Variants in ST3GAL1 observed in about 807,000 individuals in gnomAD.
ST3GAL1 encodes ST3 beta-galactoside alpha-2,3-sialyltransferase 1.
Under a neutral mutation model 34.1 loss-of-function variants are expected in ST3GAL1, and 16 were observed. The observed-to-expected ratio is 0.47, with a 90% CI of 0.32 to 0.71. The LOEUF (loss-of-function observed/expected upper bound fraction) is 0.71, where lower values mean the gene tolerates loss of function less well. Ranked by LOEUF, ST3GAL1 falls within the 30% of genes least tolerant of loss-of-function variation. The pLI, the probability that ST3GAL1 is intolerant of heterozygous loss-of-function variation, is 0.04. For missense variants in ST3GAL1, 353 were observed against 447.4 expected (o/e 0.79, Z 1.90); for synonymous variants, 191 against 184.7 (o/e 1.03, Z -0.28).
intron 3 of ST3GAL1, among the ~76,000 whole-genome samples, chr8:133,495,933 G>T (rs572685935): frequency 6.6e-6 from 1 of 152,330 alleles, no homozygotes; most frequent in African/African-American, 2.4e-5. Context: ...GAGGGCACAC[G>T]CTGTGTCTTA....
intron 2 of ST3GAL1, among the ~76,000 whole-genome samples, chr8:133,524,116 T>G (rs1364983325): frequency 6.6e-6 from 1 of 152,226 alleles, no homozygotes; most frequent in Non-Finnish European, 1.5e-5. Context: ...ACACTCTCTC[T>G]GCTCAATTGC....
rs1400199528 is a variant in ST3GAL1 at position 133,508,354 on chromosome 8, C to A, written c.-428-9165G>T. On this transcript the variant is annotated intron_variant, in intron 2 of 9. Transcript: ENST00000522652. This position sits in a 1 kb window ranked among gnomAD's most constrained non-coding sequence, Gnocchi z 4.1. ...CCAAATTTTCAGGTTTGTGGGACAG[C>A]CTCATGGTACAGTTTGTGCTCTGGG... Among the ~76,000 whole-genome samples the A allele has an allele frequency of 6.6e-6, 1 of 152,110 alleles. No homozygotes were observed.
rs1586589858 is a variant in ST3GAL1 at position 133,469,611 on chromosome 8, G to A, written c.307-3521C>T. ...ACCTGGCAGAAGTAAAATGGTAGTT[G>A]TACAATGCAATGAAAACAAAACTAC... On this transcript the variant is annotated intron_variant, in intron 5 of 9. Coordinates refer to ENST00000522652, the MANE Select transcript of ST3GAL1 (RefSeq NM_173344.3). The surrounding 1 kb of genome is among the most constrained non-coding windows in gnomAD (Gnocchi z 4.3). Among the ~76,000 whole-genome samples, 1 of 152,226 alleles carries A rather than the reference G, an allele frequency of 6.6e-6. No homozygotes were observed. Among genetic ancestry groups the A allele is most frequent in the Non-Finnish European group, 1.5e-5 (1 of 68,048 alleles).
chr8:133,548,674 G>C lies in ST3GAL1; in HGVS notation c.-581-2748C>G, dbSNP rs555755371. Among the ~76,000 whole-genome samples the C allele has an allele frequency of 1.3e-4, 20 of 152,264 alleles. No homozygotes were observed. In the South Asian group the frequency reaches 4.1e-3, roughly 32 times the overall value. ...GAAGCTGGATTAGGGCCTTACCTGG[G>C]AGCACCCTGGGAGCACACATTCATG... On this transcript the variant is annotated intron_variant, in intron 1 of 9. Coordinates refer to ENST00000522652, the MANE Select transcript of ST3GAL1 (RefSeq NM_173344.3).
chr8:133,506,629 A>G (rs1487595279), intron 2 of ST3GAL1, among the ~76,000 whole-genome samples: 1 of 151,948 alleles, frequency 6.6e-6, no homozygotes, highest in Non-Finnish European at 1.5e-5. Flanking sequence ...TACTTAAAAT[A>G]CAAAAATTAG....
intron 1 of ST3GAL1, among the ~76,000 whole-genome samples, chr8:133,552,582 C>G (rs1479338808): frequency 6.6e-6 from 1 of 152,158 alleles, no homozygotes; most frequent in East Asian, 1.9e-4. Context: ...TGGCATCTCC[C>G]TCTGTGGAGA....
chr8:133,466,215 C>T lies in ST3GAL1; in HGVS notation c.307-125G>A, dbSNP rs1586586532. ...CTGTTCACCCTTCTCTCTGCTGGGCCCCCGGAGATGGAGGCGGCTCACACA... is the reference window on the plus strand; with the variant it reads ...CTGTTCACCCTTCTCTCTGCTGGGCTCCCGGAGATGGAGGCGGCTCACACA... On this transcript the variant is annotated intron_variant, in intron 5 of 9. Coordinates refer to ENST00000522652, the MANE Select transcript of ST3GAL1 (RefSeq NM_173344.3). The surrounding 1 kb of genome is among the most constrained non-coding windows in gnomAD (Gnocchi z 4.4). 7.3e-6 allele frequency: 7 copies of T among 963,076 alleles called. No individual in the cohort carries two copies. The East Asian group carries it at 1.6e-4, about 22-fold the overall frequency. 59.7% of individuals were successfully genotyped at this position (963,076 alleles called of 1,614,324 possible).
rs919806489 is a variant in ST3GAL1 at position 133,525,208 on chromosome 8, C to A, written c.-429+20566G>T. On this transcript the variant is annotated intron_variant, in intron 2 of 9. Transcript: ENST00000522652. ...AGCTCGTTTCCACAGGCAGGTCGTC[C>A]CAGTGAATGTCAAGCTTTCAGCAGA... Among the ~76,000 whole-genome samples the A allele has an allele frequency of 8.5e-5, 13 of 152,256 alleles. No individual in the cohort carries two copies. In the East Asian group the frequency reaches 2.5e-3, roughly 29 times the overall value.
At chr8:133,463,308 GC>G in intron 8 of ST3GAL1, 105 bp downstream of exon 8, 1 of 1,283,878 alleles carries the variant, frequency 7.8e-7, no homozygotes, top group Non-Finnish European at 1.1e-6. Context: ...ACCTCCAGCG[GC>G]CTGGGGATCT....
intron 2 of ST3GAL1, among the ~76,000 whole-genome samples, chr8:133,526,558 G>A (rs966368143): frequency 6.6e-6 from 1 of 152,138 alleles, no homozygotes; most frequent in Non-Finnish European, 1.5e-5. Flanking sequence ...GTGGGTTCCT[G>A]AGATACAATT....
intron 2 of ST3GAL1, among the ~76,000 whole-genome samples, chr8:133,541,112 T>TAGAGAGAG (rs1438213053): frequency 0.01 from 424 of 40,678 alleles, 39 homozygotes; most frequent in South Asian, 0.037. Flanking sequence ...TATATATATA[T>TAGAGAGAG]ATATATATAG....
chr8:133,551,874 G>A (rs1166934178), intron 1 of ST3GAL1, among the ~76,000 whole-genome samples: 1 of 152,178 alleles, frequency 6.6e-6, no homozygotes, highest in East Asian at 1.9e-4. Context: ...ATGGTCCTTG[G>A]ATGTGTATAC....
intron 1 of ST3GAL1, among the ~76,000 whole-genome samples, chr8:133,561,282 A>G (rs1235637937): frequency 6.6e-6 from 1 of 151,886 alleles, no homozygotes; most frequent in East Asian, 1.9e-4. Flanking sequence ...CAAGAAAAGG[A>G]TTTACATGCA....
At chr8:133,538,496 CA>C (rs1303311637) in intron 2 of ST3GAL1, among the ~76,000 whole-genome samples, 3 of 152,162 alleles carry the variant, frequency 2.0e-5, no homozygotes, top group African/African-American at 7.2e-5. Flanking sequence ...GCCTGGGCGA[CA>C]GAGCGAGACT....
chr8:133,562,444 G>A (rs939985410), intron 1 of ST3GAL1, among the ~76,000 whole-genome samples: 22 of 152,092 alleles, frequency 1.4e-4, no homozygotes, highest in African/African-American at 2.9e-4. Flanking sequence ...TCTTGATCTC[G>A]TGATCTGGCC....
In ST3GAL1 at chr8:133,467,027, G is replaced by A. The variant is rs772583449; in HGVS notation, c.307-937C>T. Among the ~76,000 whole-genome samples the A allele has an allele frequency of 2.0e-5, 3 of 151,848 alleles. No individual in the cohort carries two copies. The highest frequency in any genetic ancestry group is 6.6e-5 in the Admixed American group (1 of 15,256). On this transcript the variant is annotated intron_variant, in intron 5 of 9. Transcript: ENST00000522652. This position sits in a 1 kb window ranked among gnomAD's most constrained non-coding sequence, Gnocchi z 4.2. Reference sequence around the variant, plus strand: ...GGAGAATCTCTTGAACCCGGAAGGCGGAGGTTGCAGTGAGCCAAGACAGTG... The same window carrying A: ...GGAGAATCTCTTGAACCCGGAAGGCAGAGGTTGCAGTGAGCCAAGACAGTG...
chr8:133,538,114 G>A (rs1467502142), intron 2 of ST3GAL1, among the ~76,000 whole-genome samples: 1 of 152,222 alleles, frequency 6.6e-6, no homozygotes, highest in African/African-American at 2.4e-5. Flanking sequence ...AGTATAGGCA[G>A]AAGGAGCAAA....
At chr8:133,566,041 G>C (rs1054190068) in intron 1 of ST3GAL1, among the ~76,000 whole-genome samples, 2 of 152,224 alleles carry the variant, frequency 1.3e-5, no homozygotes, top group East Asian at 3.9e-4. Context: ...CATAGGAAGG[G>C]CTCCCTCCAG....
At chr8:133,525,768 C>T (rs967567461) in intron 2 of ST3GAL1, among the ~76,000 whole-genome samples, 4 of 152,184 alleles carry the variant, frequency 2.6e-5, no homozygotes, top group African/African-American at 7.2e-5. Flanking sequence ...AGCTGGGTTG[C>T]GACAGCACCC....
Sources: allele counts gnomAD v4.1 joint callset (sites outside exome capture counted in the v4.1 genomes callset), GRCh38; gene constraint gnomAD v4.1.1; non-coding constraint Gnocchi (gnomAD v3.1); transcripts MANE v1.5; gene names NCBI Gene and HGNC (gene_info 2026-07-23, HGNC 2026-07-21).